The following GRIP1 variants were observed in gnomAD, a reference collection of about 807,000 sequenced individuals.
GRIP1 encodes the protein glutamate receptor-interacting protein 1.
In GRIP1, 45 loss-of-function variants were observed where a neutral mutation model predicts 129.9. The observed-to-expected ratio is 0.35, with a 90% CI of 0.27 to 0.44. GRIP1 has a LOEUF of 0.44. Ranked by LOEUF, GRIP1 falls within the 20% of genes least tolerant of loss-of-function variation. The pLI is 1.00. For synonymous variants in GRIP1, 530 were observed against 520.8 expected (o/e 1.02, Z -0.24); for missense variants, 1,196 against 1,396.8 (o/e 0.86, Z 2.29).
chr12:66,553,472 A>T (rs1359439113), intron 2 of GRIP1, among the ~76,000 whole-genome samples: 1 of 152,040 alleles, frequency 6.6e-6, no homozygotes, highest in South Asian at 2.1e-4. Context: ...TTTATATTCT[A>T]TTAAAAAATA....
chr12:66,795,480 G>C (rs2038668883), intron 1 of GRIP1, among the ~76,000 whole-genome samples: 1 of 152,186 alleles, frequency 6.6e-6, no homozygotes, highest in Non-Finnish European at 1.5e-5. Context: ...TAAATTTTAA[G>C]TTTGTTGGCT....
chr12:66,356,461 A>G (rs970388913), intron 23 of GRIP1, among the ~76,000 whole-genome samples: 13 of 152,168 alleles, frequency 8.5e-5, no homozygotes, highest in African/African-American at 2.9e-4. Flanking sequence ...CTGTTCCACA[A>G]TTATGTTTTT....
intron 1 of GRIP1, among the ~76,000 whole-genome samples, chr12:66,819,858 T>G (rs2039287443): frequency 6.6e-6 from 1 of 152,192 alleles, no homozygotes. Context: ...AATCAGAGAA[T>G]CACTACTCTT....
At chr12:66,736,289 C>T (rs7488981) in intron 1 of GRIP1, among the ~76,000 whole-genome samples, 32 of 148,794 alleles carry the variant, frequency 2.2e-4, no homozygotes, top group African/African-American at 7.9e-4. Flanking sequence ...CAGCAATCCT[C>T]TTACCTCAAC....
At chr12:67,030,856 T>C (rs1393868043) in intron 1 of GRIP1, among the ~76,000 whole-genome samples, 2 of 152,274 alleles carry the variant, frequency 1.3e-5, no homozygotes, top group South Asian at 2.1e-4. Context: ...AGAAGAAATA[T>C]GGACAGCAAC....
chr12:66,727,576 G>A (rs562002239), intron 1 of GRIP1, among the ~76,000 whole-genome samples: 19 of 152,298 alleles, frequency 1.2e-4, no homozygotes, highest in African/African-American at 4.6e-4. Context: ...TGTAAGTGCT[G>A]AGATTTTGGG....
chr12:66,377,229 T>G lies in GRIP1; in HGVS notation c.2678A>C (p.Gln893Pro), dbSNP rs1171025806. 1 of 1,613,952 alleles carries G rather than the reference T, an allele frequency of 6.2e-7. No homozygotes were observed. Among genetic ancestry groups the G allele is most frequent in the Non-Finnish European group, 8.5e-7 (1 of 1,179,928 alleles). ...ETEQEENFWS[Q>P]ALEDLETCGQ... Reference sequence around the variant, plus strand: ...GCAGGTTTCCAAATCCTCCAGCGCTTGAGACCAGAAGTTCTCCTCTTGTTC... The same window carrying G: ...GCAGGTTTCCAAATCCTCCAGCGCTGGAGACCAGAAGTTCTCCTCTTGTTC... Residue 893 changes from glutamine (Q) to proline (P), a missense_variant, in exon 21 of 25, where the codon CAA (glutamine) becomes CCA (proline). Physicochemically the swap from Gln to Pro is moderately conservative, Grantham distance 76. Coordinates refer to ENST00000359742, the MANE Select transcript of GRIP1 (RefSeq NM_001366722.1).
At chr12:66,633,375 T>C (rs2031036125) in intron 1 of GRIP1, among the ~76,000 whole-genome samples, 4 of 150,078 alleles carry the variant, frequency 2.7e-5, no homozygotes, top group South Asian at 4.2e-4. Flanking sequence ...GGTCTTGAAC[T>C]CTTGAGCTCC....
intron 1 of GRIP1, among the ~76,000 whole-genome samples, chr12:66,907,142 C>T (rs145567449): frequency 6.6e-6 from 1 of 152,254 alleles, no homozygotes; most frequent in East Asian, 1.9e-4. Context: ...TCTTTCAAAA[C>T]CTTGTCATTT....
intron 1 of GRIP1, among the ~76,000 whole-genome samples, chr12:66,735,491 A>G (rs746261869): frequency 2.0e-5 from 3 of 152,158 alleles, no homozygotes; most frequent in Non-Finnish European, 4.4e-5. Context: ...ACAATCTCAC[A>G]GTCTGGACAT....
chr12:66,795,664 T>C (rs1397981565), intron 1 of GRIP1, among the ~76,000 whole-genome samples: 3 of 152,220 alleles, frequency 2.0e-5, no homozygotes, highest in South Asian at 2.1e-4. Flanking sequence ...TGTTTATCTA[T>C]TGATAGTAAC....
intron 1 of GRIP1, 139 bp from the exon 2 acceptor site, chr12:66,597,066 C>G: frequency 1.4e-6 from 1 of 720,178 alleles, no homozygotes; most frequent in East Asian, 2.6e-5. Context: ...GGGTCCTATA[C>G]TTGGGTTAGC....
chr12:66,672,258 T>C (rs1180725350), intron 1 of GRIP1, among the ~76,000 whole-genome samples: 6 of 152,198 alleles, frequency 3.9e-5, no homozygotes, highest in African/African-American at 1.4e-4. Flanking sequence ...TGTAACTTAT[T>C]GTATTCTTCA....
chr12:66,356,430 T>C (rs2054491390), intron 23 of GRIP1, among the ~76,000 whole-genome samples: 1 of 152,200 alleles, frequency 6.6e-6, no homozygotes, highest in Non-Finnish European at 1.5e-5. Context: ...TAAATACTCA[T>C]TGCAGAGAGG....
intron 1 of GRIP1, among the ~76,000 whole-genome samples, chr12:66,730,540 C>T (rs938916197): frequency 2.0e-5 from 3 of 151,970 alleles, no homozygotes; most frequent in East Asian, 1.9e-4. Context: ...TCCAAAAAAG[C>T]TCAAATTTCA....
intron 1 of GRIP1, among the ~76,000 whole-genome samples, chr12:66,854,258 G>C (rs1462443248): frequency 6.6e-6 from 1 of 151,916 alleles, no homozygotes; most frequent in Non-Finnish European, 1.5e-5. Context: ...GAGGAAAGGA[G>C]TTGCAGGATG....
intron 1 of GRIP1, among the ~76,000 whole-genome samples, chr12:66,643,884 C>G (rs139381460): frequency 6.6e-6 from 1 of 152,092 alleles, no homozygotes. Flanking sequence ...TTTATCCTTA[C>G]GTATTTTCTG....
At chr12:66,670,072 T>A (rs1031199949) in intron 1 of GRIP1, among the ~76,000 whole-genome samples, 2 of 152,164 alleles carry the variant, frequency 1.3e-5, no homozygotes, top group African/African-American at 4.8e-5. Flanking sequence ...TTCTGCACCA[T>A]ACAAATGAGG....
At chr12:66,682,743 C>T (rs1207697831), upstream of GRIP1, among the ~76,000 whole-genome samples, 1 of 152,084 alleles carries the variant, frequency 6.6e-6, no homozygotes, top group Non-Finnish European at 1.5e-5. Flanking sequence ...TGCCATATGC[C>T]TAAACCTGGA....
Sources: allele counts gnomAD v4.1 joint callset (sites outside exome capture counted in the v4.1 genomes callset), GRCh38; gene constraint gnomAD v4.1.1; transcripts MANE v1.5; gene names NCBI Gene and HGNC (gene_info 2026-07-23, HGNC 2026-07-21).